Variants in IMMP2L observed in about 807,000 individuals in gnomAD.
IMMP2L encodes the protein mitochondrial inner membrane protease subunit 2.
A neutral mutation model predicts 19.3 loss-of-function variants in IMMP2L; 18 were observed. The observed-to-expected ratio is 0.93, with a 90% CI of 0.64 to 1.38. The LOEUF (loss-of-function observed/expected upper bound fraction) is 1.38. Among genes scored for constraint, IMMP2L ranks in the 40% most tolerant of loss-of-function variants. IMMP2L has a pLI of 0.00. For synonymous variants in IMMP2L, 76 were observed against 73.0 expected, an observed-to-expected ratio of 1.04 and a Z score of -0.21; for missense variants, 233 against 218.2, an observed-to-expected ratio of 1.07 and a Z score of -0.43.
chr7:111,393,266 A>G (rs1039557575), intron 3 of IMMP2L, among the ~76,000 whole-genome samples: 1 of 152,042 alleles, frequency 6.6e-6, no homozygotes, highest in Admixed American at 6.6e-5. Context: ...TGGAAACAAA[A>G]AAAGAAATAT....
chr7:110,963,960 T>C (rs904431126), intron 3 of IMMP2L, among the ~76,000 whole-genome samples: 1 of 136,086 alleles, frequency 7.3e-6, no homozygotes, highest in African/African-American at 2.8e-5. Flanking sequence ...GGGGACCTGG[T>C]GGGAGGTGAC....
intron 3 of IMMP2L, among the ~76,000 whole-genome samples, chr7:111,111,921 T>TTATATATA (rs140449960): frequency 1.4e-5 from 2 of 144,104 alleles, no homozygotes; most frequent in African/African-American, 5.2e-5. Context: ...TATATTTTAT[T>TTATATATA]TATATATATA....
chr7:111,432,242 C>T lies in IMMP2L; in HGVS notation c.239+54996G>A, dbSNP rs1158009945. On this transcript the variant is annotated intron_variant, in intron 3 of 5. Coordinates refer to ENST00000405709, the MANE Select transcript of IMMP2L (RefSeq NM_032549.4). ...GGAGTGTGGGGGAAAAAAAACCCCA[C>T]ACATATGGTCACAGCAGTCTTCTGT... 2.0e-5 allele frequency among the ~76,000 whole-genome samples: 3 copies of T among 151,422 alleles called. 1 individual carries two copies. Among genetic ancestry groups the T allele is most frequent in the African/African-American group, 7.3e-5 (3 of 41,012 alleles).
At chr7:111,429,917 G>A (rs1045634774) in intron 3 of IMMP2L, among the ~76,000 whole-genome samples, 1 of 151,874 alleles carries the variant, frequency 6.6e-6, no homozygotes, top group Admixed American at 6.6e-5. Context: ...GTATTATATA[G>A]CAAGTATGCT....
At chr7:111,298,243 C>A (rs1306720317) in intron 3 of IMMP2L, among the ~76,000 whole-genome samples, 9 of 152,060 alleles carry the variant, frequency 5.9e-5, no homozygotes, top group Non-Finnish European at 1.3e-4. Context: ...GAGGTGTGGA[C>A]TCTAGAACCA....
At chr7:111,282,043 A>T (rs886724227) in intron 3 of IMMP2L, among the ~76,000 whole-genome samples, 1 of 152,202 alleles carries the variant, frequency 6.6e-6, no homozygotes, top group African/African-American at 2.4e-5. Flanking sequence ...AAGAGAAAAT[A>T]ATTGGGAATT....
chr7:111,456,552 C>A (rs1464086775), intron 3 of IMMP2L, among the ~76,000 whole-genome samples: 1 of 152,090 alleles, frequency 6.6e-6, no homozygotes, highest in Non-Finnish European at 1.5e-5. Context: ...AGGTCTTTTC[C>A]AAATTAAAAA....
At chr7:110,669,071 GTGTGTGTGTGTGTGTGTGTATA>G (rs1283908677) in intron 5 of IMMP2L, among the ~76,000 whole-genome samples, 7 of 108,912 alleles carry the variant, frequency 6.4e-5, no homozygotes, top group African/African-American at 2.4e-4. Context: ...GTGTGTGTGT[GTGTGTGTGTGTGTGTGTGTATA>G]TGTATATATA....
chr7:110,761,635 T>C (rs978673000), intron 5 of IMMP2L, among the ~76,000 whole-genome samples: 1 of 152,184 alleles, frequency 6.6e-6, no homozygotes, highest in Non-Finnish European at 1.5e-5. Context: ...GGGAACTTAC[T>C]ATGTGTAAAG....
intron 5 of IMMP2L, among the ~76,000 whole-genome samples, chr7:110,776,921 C>T (rs1416073523): frequency 6.6e-6 from 1 of 151,788 alleles, no homozygotes; most frequent in Non-Finnish European, 1.5e-5. Context: ...GTTTGTCTTC[C>T]CCACTGATTT....
At chr7:110,858,087 T>C (rs1806992848) in intron 5 of IMMP2L, among the ~76,000 whole-genome samples, 1 of 152,140 alleles carries the variant, frequency 6.6e-6, no homozygotes, top group South Asian at 2.1e-4. Flanking sequence ...CTCTTTGATT[T>C]CTTTCTTCCT....
intron 3 of IMMP2L, among the ~76,000 whole-genome samples, chr7:111,404,386 A>G (rs971965236): frequency 3.3e-5 from 5 of 152,144 alleles, no homozygotes; most frequent in South Asian, 2.1e-4. Flanking sequence ...CACATTATAC[A>G]TAACAGAATA....
chr7:110,885,643 C>T (rs768251588), intron 5 of IMMP2L, among the ~76,000 whole-genome samples: 35 of 151,992 alleles, frequency 2.3e-4, no homozygotes, highest in Admixed American at 4.6e-4. Context: ...TTCTAACATT[C>T]TACTTATAAC....
chr7:111,195,488 G>A (rs1809370224), intron 3 of IMMP2L, among the ~76,000 whole-genome samples: 1 of 151,996 alleles, frequency 6.6e-6, no homozygotes, highest in Non-Finnish European at 1.5e-5. Flanking sequence ...AAAGTAAAGT[G>A]CAAAATTTCA....
chr7:111,164,344 G>A (rs1307503111), intron 3 of IMMP2L, among the ~76,000 whole-genome samples: 1 of 151,708 alleles, frequency 6.6e-6, no homozygotes, highest in Non-Finnish European at 1.5e-5. Context: ...CAGCTAGAAA[G>A]ACAAGTAAGC....
At chr7:110,798,666 G>C (rs964079278) in intron 5 of IMMP2L, among the ~76,000 whole-genome samples, 1 of 151,830 alleles carries the variant, frequency 6.6e-6, no homozygotes, top group African/African-American at 2.4e-5. Context: ...GGGGGTGGAG[G>C]GGAATACTAA....
chr7:111,404,735 T>C (rs17158556), intron 3 of IMMP2L, among the ~76,000 whole-genome samples: 7,504 of 152,132 alleles, frequency 0.049, 265 homozygotes, highest in South Asian at 0.083. Context: ...GACAATAATA[T>C]CAAGCAGTAG....
At chr7:111,323,262 A>G (rs1429798055) in intron 3 of IMMP2L, among the ~76,000 whole-genome samples, 1 of 152,104 alleles carries the variant, frequency 6.6e-6, no homozygotes, top group East Asian at 1.9e-4. Flanking sequence ...GCTAATATCC[A>G]GAATCTACAA....
chr7:111,373,315 G>C (rs1230692882), intron 3 of IMMP2L, among the ~76,000 whole-genome samples: 1 of 152,040 alleles, frequency 6.6e-6, no homozygotes, highest in East Asian at 1.9e-4. Flanking sequence ...AGGAATAAAG[G>C]TTGGTATCAT....
Sources: gnomAD v4.1 joint callset for allele counts (sites outside exome capture counted in the v4.1 genomes callset) on GRCh38, gnomAD v4.1.1 for gene constraint, MANE v1.5 for transcripts, NCBI Gene and HGNC (gene_info 2026-07-23, HGNC 2026-07-21) for gene names.